The following RBL1 variants were observed in gnomAD, a reference collection of about 807,000 sequenced individuals.
The protein encoded by RBL1 is retinoblastoma-like protein 1.
RBL1 carries 82 observed loss-of-function variants against 123.0 expected under a neutral mutation model. The ratio of observed to expected loss-of-function variants is 0.67; its 90% CI spans 0.56 to 0.80. RBL1 has a LOEUF of 0.80. RBL1 is among the 30% of genes least tolerant of loss of function. The pLI is 0.00. For missense variants in RBL1, 1,171 were observed against 1,299.6 expected, an observed-to-expected ratio of 0.90 and a Z score of 1.52; for synonymous variants, 405 against 441.3, an observed-to-expected ratio of 0.92 and a Z score of 1.03.
chr20:37,017,863 T>C (rs1184665603), intron 19 of RBL1, among the ~76,000 whole-genome samples: 2 of 152,062 alleles, frequency 1.3e-5, no homozygotes, highest in African/African-American at 4.8e-5. Flanking sequence ...CCTTGATCTC[T>C]TGAACTCGTG....
Position 37,007,490 on chromosome 20 carries a change from A to G in RBL1, c.2792T>C (p.Ile931Thr), listed in dbSNP as rs1309269640. ...GPVKEERGDL[I>T]KFYNTIYVGR... ...TACATATATTGTATTGTAAAATTTT[A>G]TAAGATCACCTCTTTCCTCTTTCAC... Residue 931 changes from isoleucine (I) to threonine (T), a missense_variant, in exon 20 of 22, where the codon ATA (isoleucine) becomes ACA (threonine). Coordinates refer to ENST00000373664, the MANE Select transcript of RBL1 (RefSeq NM_002895.5). 1.2e-6 allele frequency: 2 copies of G among 1,613,990 alleles called. No individual in the cohort carries two copies. The highest frequency in any genetic ancestry group is 1.3e-5 in the African/African-American group (1 of 75,048).
intron 21 of RBL1, 42 bp from the exon 22 acceptor site, chr20:36,998,971 G>A (rs769485638): frequency 5.8e-6 from 9 of 1,562,394 alleles, no homozygotes; most frequent in Non-Finnish European, 7.9e-6. Context: ...AAGAGGGAGA[G>A]GGGAAATGGC....
chr20:37,079,220 A>G (rs2065411476), intron 2 of RBL1, among the ~76,000 whole-genome samples: 1 of 151,684 alleles, frequency 6.6e-6, no homozygotes, highest in Non-Finnish European at 1.5e-5. Flanking sequence ...AAAAAAAAAA[A>G]ACCCTCAAAT....
At chr20:37,094,919 T>G (rs1265312347) in intron 1 of RBL1, among the ~76,000 whole-genome samples, 1 of 152,180 alleles carries the variant, frequency 6.6e-6, no homozygotes, top group Non-Finnish European at 1.5e-5. Flanking sequence ...ATTATAGGCG[T>G]GAGCCGCCAC....
chr20:37,031,233 A>G (rs1027711751), intron 16 of RBL1, among the ~76,000 whole-genome samples: 3 of 152,160 alleles, frequency 2.0e-5, no homozygotes, highest in Non-Finnish European at 4.4e-5. Flanking sequence ...TGTCAAGAAC[A>G]CTATCAACGG....
chr20:37,005,885 TTTTTC>T (rs1054748364), intron 20 of RBL1, among the ~76,000 whole-genome samples: 2 of 131,382 alleles, frequency 1.5e-5, no homozygotes, highest in African/African-American at 6.9e-5. Flanking sequence ...TTCTTTTTTT[TTTTTC>T]TTTCTTTTTT....
At chr20:37,012,887 G>A (rs1360213930) in intron 19 of RBL1, among the ~76,000 whole-genome samples, 106 of 150,114 alleles carry the variant, frequency 7.1e-4, no homozygotes, top group African/African-American at 2.4e-3. Flanking sequence ...CCCTCTGCCC[G>A]GCCAGCCGCC....
At chr20:37,020,101 T>TC (rs2064316305) in intron 18 of RBL1, among the ~76,000 whole-genome samples, 1 of 149,870 alleles carries the variant, frequency 6.7e-6, no homozygotes, top group South Asian at 2.1e-4. Flanking sequence ...TTTTTTTTTT[T>TC]TTTTTGAGAC....
rs915039442 is a variant in RBL1 at position 37,055,434 on chromosome 20, T to C, written c.1467+119A>G. On this transcript the variant is annotated intron_variant, in intron 11 of 21. Coordinates refer to ENST00000373664, the MANE Select transcript of RBL1 (RefSeq NM_002895.5). ...ATGTGCTAAAGTCAACTAAATGCCA[T>C]CCTGGCCAAGTGTGTCATAGATTGG... 13 of 1,478,418 alleles carry C rather than the reference T, an allele frequency of 8.8e-6. No homozygotes were observed. The African/African-American group carries it at 1.8e-4, about 21-fold the overall frequency. 91.6% of individuals were successfully genotyped at this position (1,478,418 alleles called of 1,614,324 possible). A position where few individuals can be genotyped will look rare whatever the true frequency, so the allele number is the denominator to read the frequency against.
At position 37,011,433 on chromosome 20, in the gene RBL1, A is replaced by ATTT. The variant is rs5841248; in HGVS notation, c.2723-3877_2723-3875dup. 4.6e-3 allele frequency among the ~76,000 whole-genome samples: 629 copies of ATTT among 135,722 alleles called. 7 individuals carry two copies. Among genetic ancestry groups the ATTT allele is most frequent in the African/African-American group, 0.014 (509 of 36,108 alleles). The allele number at this position is 135,722 out of a possible 152,430, so 89.0% of individuals were successfully genotyped here. A position where few individuals can be genotyped will look rare whatever the true frequency, so the allele number is the denominator to read the frequency against. The stretch of plus-strand genomic sequence containing the variant: ...GCTCATTAACATACTCAAGGTCAGA[A>ATTT]TTTTTTTTTTTTTTTTTTTGAGAAA... On this transcript the variant is annotated intron_variant, in intron 19 of 21. Coordinates refer to ENST00000373664, the MANE Select transcript of RBL1 (RefSeq NM_002895.5).
chr20:37,068,335 T>C, intron 2 of RBL1, 149 bp from the exon 3 acceptor site: 1 of 1,217,370 alleles, frequency 8.2e-7, no homozygotes, highest in Non-Finnish European at 1.1e-6. Flanking sequence ...CTACAAAAAT[T>C]TAAAAAATTA....
chr20:37,030,574 GC>G (rs1263808343), intron 16 of RBL1, among the ~76,000 whole-genome samples: 2 of 151,920 alleles, frequency 1.3e-5, no homozygotes, highest in Non-Finnish European at 1.5e-5. Flanking sequence ...TCAAAAACAG[GC>G]CCGGCGTGGT....
chr20:37,043,863 C>T (rs2064772495), intron 13 of RBL1, among the ~76,000 whole-genome samples: 2 of 151,822 alleles, frequency 1.3e-5, no homozygotes. Context: ...GGAGAAGATT[C>T]GGGGGTAGGG....
chr20:37,027,496 C>T (rs2146238970), intron 16 of RBL1, among the ~76,000 whole-genome samples: 1 of 152,244 alleles, frequency 6.6e-6, no homozygotes, highest in East Asian at 1.9e-4. Context: ...TGTACTCCAA[C>T]CTGGGCAATA....
At chr20:37,058,518 G>GA (rs1230762198) in intron 9 of RBL1, among the ~76,000 whole-genome samples, 1,485 of 68,856 alleles carry the variant, frequency 0.022, 24 homozygotes, top group African/African-American at 0.059. Context: ...CGCCTCAAAA[G>GA]AAAAAAAAAA....
intron 18 of RBL1, among the ~76,000 whole-genome samples, chr20:37,019,903 C>T (rs951534131): frequency 6.6e-6 from 1 of 152,128 alleles, no homozygotes; most frequent in Non-Finnish European, 1.5e-5. Context: ...ATGGAATTTT[C>T]ACCACGGTCA....
At chr20:37,001,771 G>GAA (rs1241710765) in intron 21 of RBL1, among the ~76,000 whole-genome samples, 33 of 109,630 alleles carry the variant, frequency 3.0e-4, no homozygotes, top group Middle Eastern at 4.7e-3. Flanking sequence ...AAAAAAAATG[G>GAA]AAAAAAAAAA....
At chr20:37,068,880 G>T (rs997021075) in intron 2 of RBL1, among the ~76,000 whole-genome samples, 2 of 152,152 alleles carry the variant, frequency 1.3e-5, no homozygotes, top group Non-Finnish European at 2.9e-5. Context: ...CTCTTTCCAC[G>T]GTCTCCCTCT....
intron 7 of RBL1, among the ~76,000 whole-genome samples, chr20:37,063,721 A>G (rs945030735): frequency 6.6e-6 from 1 of 151,978 alleles, no homozygotes; most frequent in Non-Finnish European, 1.5e-5. Context: ...CATGTTGGCC[A>G]GGCTGGTCTC....
Sources: allele counts gnomAD v4.1 joint callset (sites outside exome capture counted in the v4.1 genomes callset), GRCh38; gene constraint gnomAD v4.1.1; transcripts MANE v1.5; gene names NCBI Gene and HGNC (gene_info 2026-07-23, HGNC 2026-07-21).